The following LSAMP variants were observed in gnomAD, a reference collection of about 807,000 sequenced individuals.
LSAMP encodes the protein limbic system associated membrane protein, also known as limbic system-associated membrane protein.
Under a neutral mutation model 38.6 loss-of-function variants are expected in LSAMP, and 7 were observed. The observed-to-expected ratio is 0.18, with a 90% CI of 0.10 to 0.34. The LOEUF (loss-of-function observed/expected upper bound fraction) is 0.34, where lower values mean the gene tolerates loss of function less well. LSAMP is among the 10% of genes least tolerant of loss of function. LSAMP has a pLI of 1.00. For missense variants in LSAMP, 313 were observed against 420.0 expected (o/e 0.75, Z 2.23); for synonymous variants, 154 against 166.8 (o/e 0.92, Z 0.59).
At chr3:116,194,722 C>T (rs1046701742) in intron 1 of LSAMP, among the ~76,000 whole-genome samples, 1 of 152,166 alleles carries the variant, frequency 6.6e-6, no homozygotes, top group Admixed American at 6.5e-5. Flanking sequence ...GCCCACTACG[C>T]CTCCTATCCT....
intron 1 of LSAMP, among the ~76,000 whole-genome samples, chr3:116,378,515 G>A (rs2048519463): frequency 6.6e-6 from 1 of 152,038 alleles, no homozygotes; most frequent in South Asian, 2.1e-4. Context: ...GTACATTTTA[G>A]AAGTCATAAA....
intron 2 of LSAMP, among the ~76,000 whole-genome samples, chr3:116,033,542 T>C (rs1269461481): frequency 1.3e-5 from 2 of 152,104 alleles, no homozygotes; most frequent in Non-Finnish European, 2.9e-5. Context: ...GTCTCACACA[T>C]AAACACGCAC....
chr3:116,259,905 C>T (rs1010606303), intron 1 of LSAMP, among the ~76,000 whole-genome samples: 10 of 152,122 alleles, frequency 6.6e-5, no homozygotes, highest in African/African-American at 1.9e-4. Flanking sequence ...TTGCTTTCTC[C>T]TCATTTTTCT....
At chr3:116,208,267 C>G (rs1166024790) in intron 1 of LSAMP, among the ~76,000 whole-genome samples, 1 of 150,776 alleles carries the variant, frequency 6.6e-6, no homozygotes, top group East Asian at 2.0e-4. Flanking sequence ...CCTTTAAGCA[C>G]TTCTCTGTAT....
At chr3:116,061,803 G>A (rs1315614113) in intron 2 of LSAMP, among the ~76,000 whole-genome samples, 2 of 152,202 alleles carry the variant, frequency 1.3e-5, no homozygotes, top group East Asian at 3.9e-4. Flanking sequence ...CCAGCATCTA[G>A]GAGGCAAATA....
At chr3:116,344,568 C>T (rs2048039454) in intron 1 of LSAMP, among the ~76,000 whole-genome samples, 1 of 152,082 alleles carries the variant, frequency 6.6e-6, no homozygotes, top group Admixed American at 6.6e-5. Context: ...TTCCACTCTA[C>T]CTCCTTTAAT....
intron 1 of LSAMP, among the ~76,000 whole-genome samples, chr3:116,204,778 A>ACTACCAT: frequency 7.3e-5 from 11 of 150,770 alleles, no homozygotes; most frequent in Non-Finnish European, 1.5e-4. Flanking sequence ...TTTTGGTACC[A>ACTACCAT]GTACCATGCT....
chr3:116,347,600 T>C (rs563470995), intron 1 of LSAMP, among the ~76,000 whole-genome samples: 42 of 152,102 alleles, frequency 2.8e-4, no homozygotes, highest in Non-Finnish European at 5.6e-4. Context: ...TTTGTTTTCA[T>C]GGAATTCAAG....
At chr3:115,885,377 T>C (rs1471798343) in intron 3 of LSAMP, among the ~76,000 whole-genome samples, 5 of 152,000 alleles carry the variant, frequency 3.3e-5, no homozygotes, top group Admixed American at 1.3e-4. Flanking sequence ...TCATTATGAT[T>C]ATGAGATTGT....
chr3:115,923,942 C>A (rs1326877171), intron 3 of LSAMP, among the ~76,000 whole-genome samples: 2 of 152,106 alleles, frequency 1.3e-5, no homozygotes, highest in African/African-American at 4.8e-5. Context: ...AGGAGCACTA[C>A]ATAAATTTAT....
intron 1 of LSAMP, among the ~76,000 whole-genome samples, chr3:116,267,659 C>CT: frequency 6.7e-6 from 1 of 149,826 alleles, no homozygotes; most frequent in East Asian, 2.0e-4. Context: ...CCTCAGTGAA[C>CT]TGCTCATTAG....
chr3:116,408,535 A>G (rs997260487), intron 1 of LSAMP, among the ~76,000 whole-genome samples: 20 of 152,046 alleles, frequency 1.3e-4, no homozygotes, highest in African/African-American at 4.1e-4. Flanking sequence ...GACTGGTACA[A>G]TCTTTCAATT....
intron 1 of LSAMP, among the ~76,000 whole-genome samples, chr3:116,218,857 T>G (rs1477955288): frequency 6.6e-6 from 1 of 152,182 alleles, no homozygotes; most frequent in Non-Finnish European, 1.5e-5. Context: ...GCTTTTCAAC[T>G]TACTCTGAGT....
At chr3:115,894,791 A>G (rs1936687984) in intron 3 of LSAMP, among the ~76,000 whole-genome samples, 1 of 151,994 alleles carries the variant, frequency 6.6e-6, no homozygotes, top group South Asian at 2.1e-4. Flanking sequence ...GTGCCTCAAT[A>G]TTTCCTCCCT....
At chr3:115,830,780 T>C (rs534493353) in intron 6 of LSAMP, among the ~76,000 whole-genome samples, 156 of 152,158 alleles carry the variant, frequency 1.0e-3, no homozygotes, top group Non-Finnish European at 1.9e-3. Flanking sequence ...ATGTTCAAAA[T>C]TTTTCTCCCA....
intron 1 of LSAMP, among the ~76,000 whole-genome samples, chr3:116,416,793 ACTT>A (rs139134830): frequency 0.12 from 18,349 of 151,894 alleles, 1,571 homozygotes; most frequent in Non-Finnish European, 0.16. Flanking sequence ...AAGGGCAGAG[ACTT>A]CTTCTTCTTC....
At chr3:115,900,009 G>A (rs1936834116) in intron 3 of LSAMP, among the ~76,000 whole-genome samples, 1 of 152,166 alleles carries the variant, frequency 6.6e-6, no homozygotes, top group Non-Finnish European at 1.5e-5. Flanking sequence ...TGTCCTCACA[G>A]TGGTGCTGTA....
chr3:115,947,023 T>C (rs1938121862), intron 3 of LSAMP, among the ~76,000 whole-genome samples: 1 of 152,020 alleles, frequency 6.6e-6, no homozygotes, highest in African/African-American at 2.4e-5. Context: ...TAATTCACCA[T>C]ATTAACAGAA....
At chr3:116,088,965 C>T (rs552158504) in intron 1 of LSAMP, among the ~76,000 whole-genome samples, 53 of 152,270 alleles carry the variant, frequency 3.5e-4, no homozygotes, top group Admixed American at 2.0e-3. Flanking sequence ...CTATATTCCA[C>T]GTCCCCATCC....
Sources: gnomAD v4.1 joint callset for allele counts (sites outside exome capture counted in the v4.1 genomes callset) on GRCh38, gnomAD v4.1.1 for gene constraint, MANE v1.5 for transcripts, NCBI Gene and HGNC (gene_info 2026-07-23, HGNC 2026-07-21) for gene names.